PRKDC: variants seen among roughly 807,000 people sequenced by gnomAD.
PRKDC encodes protein kinase, DNA-activated, catalytic subunit, also known as DNA-dependent protein kinase catalytic subunit.
Under a neutral mutation model 486.9 loss-of-function variants are expected in PRKDC, and 82 were observed. That is an observed-to-expected ratio of 0.17 (90% CI 0.14 to 0.20). The LOEUF (loss-of-function observed/expected upper bound fraction) is 0.20, where lower values mean the gene tolerates loss of function less well. Among genes scored for constraint, PRKDC ranks in the 10% least tolerant of loss-of-function variants. PRKDC has a pLI of 1.00. For missense variants in PRKDC, 4,504 were observed against 5,038.2 expected (o/e 0.89, Z 3.21); for synonymous variants, 1,895 against 1,837.0 (o/e 1.03, Z -0.81).
At chr8:47,906,087 C>T (rs2089775585) in intron 25 of PRKDC, among the ~76,000 whole-genome samples, 1 of 152,150 alleles carries the variant, frequency 6.6e-6, no homozygotes, top group East Asian at 1.9e-4. Context: ...GTGGTTCATG[C>T]CCATAATCCC....
intron 69 of PRKDC, among the ~76,000 whole-genome samples, chr8:47,803,930 C>A (rs1324323632): frequency 3.8e-5 from 1 of 26,652 alleles, no homozygotes; most frequent in African/African-American, 1.6e-4. Context: ...CAGAGCAAGT[C>A]TCCAAAAAAA....
chr8:47,907,547 T>C (rs2089812138), intron 25 of PRKDC, among the ~76,000 whole-genome samples: 1 of 146,706 alleles, frequency 6.8e-6, no homozygotes, highest in Admixed American at 6.8e-5. Context: ...TTTTTTTTTT[T>C]TTTTTGAGAC....
chr8:47,777,622 G>C, intron 84 of PRKDC, 64 bp downstream of exon 84: 2 of 1,444,824 alleles, frequency 1.4e-6, no homozygotes, highest in Non-Finnish European at 1.9e-6. Flanking sequence ...ATACACGAGA[G>C]ATACCAGCTT....
rs565450952 is a variant in PRKDC, at chr8:47,905,758, T to C, written c.2935-782A>G. Among the ~76,000 whole-genome samples, 6 of 152,240 alleles carry C rather than the reference T, an allele frequency of 3.9e-5. No individual in the cohort carries two copies. In the East Asian group the frequency reaches 9.7e-4, roughly 25 times the overall value. On this transcript the variant is annotated intron_variant, in intron 25 of 85. Coordinates refer to ENST00000314191, the MANE Select transcript of PRKDC (RefSeq NM_006904.7). ...GAGGAAAACCTCTATGGAGATAGGATGAAAAGGATCCTAGGTCTAATCTTC... is the reference window on the plus strand; with the variant it reads ...GAGGAAAACCTCTATGGAGATAGGACGAAAAGGATCCTAGGTCTAATCTTC...
At position 47,794,990 on chromosome 8, in the gene PRKDC, G is replaced by T. The variant is rs77274961; in HGVS notation, c.10459-489C>A. 1.9e-3 allele frequency among the ~76,000 whole-genome samples: 283 copies of T among 152,138 alleles called. 3 individuals carry two copies. The highest frequency in any genetic ancestry group is 6.5e-3 in the African/African-American group (270 of 41,502). On this transcript the variant is annotated intron_variant, in intron 73 of 85. Transcript: ENST00000314191. ...TGCAACCTCCGCCTCCTGGGTTTAA[G>T]CAATCTTCCTGCCTCAGACTTCTGA...
intron 78 of PRKDC, among the ~76,000 whole-genome samples, chr8:47,783,279 A>G (rs1054755277): frequency 7.0e-4 from 99 of 141,710 alleles, no homozygotes; most frequent in African/African-American, 1.9e-3. Context: ...CTCTTGTCTC[A>G]AAAAAAAAAA....
At chr8:47,821,208 G>A (rs776192371) in intron 65 of PRKDC, among the ~76,000 whole-genome samples, 2 of 152,098 alleles carry the variant, frequency 1.3e-5, no homozygotes, top group Non-Finnish European at 2.9e-5. Context: ...TGGATGTTAC[G>A]TACAAACTGA....
chr8:47,913,954 A>G lies in PRKDC; in HGVS notation c.2728T>C (p.Phe910Leu), dbSNP rs775322241. Residue 910 changes from phenylalanine (F) to leucine (L), a missense_variant, in exon 24 of 86, where the codon TTC becomes CTC. This residue lies in a region of PRKDC where 1,969 missense variants were observed against 2,068.9 expected (regional missense o/e 0.95). Coordinates refer to ENST00000314191, the MANE Select transcript of PRKDC (RefSeq NM_006904.7). ...EMKPVIFLDV[F>L]LPRVTELALT... ...GCTAATTCTGTGACTCGAGGCAGGA[A>G]CACATCCAGGAAAATGACAGGTTTC... The G allele has an allele frequency of 6.2e-7, 1 of 1,612,488 alleles. No homozygotes were observed. The highest frequency in any genetic ancestry group is 1.1e-5 in the South Asian group (1 of 90,814).
intron 25 of PRKDC, among the ~76,000 whole-genome samples, chr8:47,906,289 G>A (rs560384050): frequency 6.6e-6 from 1 of 152,134 alleles, no homozygotes; most frequent in African/African-American, 2.4e-5. Flanking sequence ...GGAGGCTTTA[G>A]GGAACTATGA....
chr8:47,915,338 A>T lies in PRKDC; in HGVS notation c.2607T>A (p.Asn869Lys). 6.5e-7 allele frequency: 1 copy of T among 1,533,156 alleles called. No homozygotes were observed. 95.0% of individuals were successfully genotyped at this position (1,533,156 alleles called of 1,614,324 possible). ...LGSLGGQINKNLLTVTSSDEM... is the reference protein window; with the variant it reads ...LGSLGGQINKKLLTVTSSDEM... The stretch of plus-strand genomic sequence containing the variant: ...TTAAAAGAAGTTTACCTGTCAGAAG[A>T]TTTTTGTTTATTTGTCCTCCTAGAG... Residue 869 changes from asparagine to lysine, a missense_variant, in exon 23 of 86, where the codon AAT becomes AAA. This residue lies in a region of PRKDC where 1,969 missense variants were observed against 2,068.9 expected (regional missense o/e 0.95). Coordinates refer to ENST00000314191, the MANE Select transcript of PRKDC (RefSeq NM_006904.7).
chr8:47,823,293 T>C (rs1284762925), intron 64 of PRKDC, among the ~76,000 whole-genome samples: 1 of 152,020 alleles, frequency 6.6e-6, no homozygotes, highest in East Asian at 1.9e-4. Flanking sequence ...CACTCCAGCC[T>C]GGGTGACAGA....
intron 43 of PRKDC, 116 bp downstream of exon 43, chr8:47,862,257 T>G (rs2088695179): frequency 7.3e-7 from 1 of 1,372,276 alleles, no homozygotes; most frequent in Non-Finnish European, 9.9e-7. Context: ...CTATGCAGAA[T>G]TAAACGAACC....
chr8:47,958,937 T>C (rs773670445), intron 1 of PRKDC, among the ~76,000 whole-genome samples: 7 of 152,124 alleles, frequency 4.6e-5, no homozygotes, highest in Non-Finnish European at 1.0e-4. Context: ...GGTTTCACCA[T>C]ACTGGTCAGG....
intron 16 of PRKDC, among the ~76,000 whole-genome samples, chr8:47,932,667 T>C (rs1335412140): frequency 2.0e-5 from 3 of 152,166 alleles, no homozygotes; most frequent in Non-Finnish European, 4.4e-5. Flanking sequence ...TCCTTAACTA[T>C]AAACAAGAGC....
chr8:47,810,519 A>G (rs923063361), intron 68 of PRKDC, among the ~76,000 whole-genome samples: 5 of 152,178 alleles, frequency 3.3e-5, no homozygotes, highest in Admixed American at 6.6e-5. Flanking sequence ...CGACTACTAT[A>G]TTCACAAGTT....
intron 17 of PRKDC, among the ~76,000 whole-genome samples, chr8:47,930,428 A>C (rs926000611): frequency 1.3e-5 from 2 of 152,014 alleles, no homozygotes; most frequent in South Asian, 2.1e-4. Flanking sequence ...GCCTGACACT[A>C]TGCCCGGCGA....
chr8:47,864,839 G>A, intron 40 of PRKDC, 76 bp from the exon 41 acceptor site: 1 of 1,263,002 alleles, frequency 7.9e-7, no homozygotes, highest in South Asian at 1.8e-5. Flanking sequence ...TACATAACAG[G>A]CAAAGTAAAC....
At chr8:47,896,491 C>CA (rs1349040676) in intron 30 of PRKDC, among the ~76,000 whole-genome samples, 4 of 151,954 alleles carry the variant, frequency 2.6e-5, no homozygotes, top group African/African-American at 9.7e-5. Flanking sequence ...ACTAAAAATA[C>CA]AAAAAATTAG....
intron 23 of PRKDC, 26 bp from the exon 24 acceptor site, chr8:47,914,090 G>A (rs1563800944): frequency 7.1e-7 from 1 of 1,416,548 alleles, no homozygotes; most frequent in Non-Finnish European, 9.3e-7. Flanking sequence ...TAAGAAGAAT[G>A]AAACACTTTT....
Sources: allele counts gnomAD v4.1 joint callset (sites outside exome capture counted in the v4.1 genomes callset), GRCh38; gene constraint gnomAD v4.1.1; regional missense constraint gnomAD v4.1.1; transcripts MANE v1.5; gene names NCBI Gene and HGNC (gene_info 2026-07-23, HGNC 2026-07-21).